The following AHCYL2 variants were observed in gnomAD, a reference collection of about 807,000 sequenced individuals.
The protein encoded by AHCYL2 is adenosylhomocysteinase like 2, also known as S-adenosylhomocysteine hydrolase-like protein 2.
Under a neutral mutation model 81.4 loss-of-function variants are expected in AHCYL2, and 28 were observed. The ratio of observed to expected loss-of-function variants is 0.34; its 90% CI spans 0.25 to 0.47. AHCYL2 has a LOEUF of 0.47. Among genes scored for constraint, AHCYL2 ranks in the 20% least tolerant of loss-of-function variants. The pLI, the probability that AHCYL2 is intolerant of heterozygous loss-of-function variation, is 1.00. For synonymous variants in AHCYL2, 272 were observed against 290.2 expected, an observed-to-expected ratio of 0.94 and a Z score of 0.64; for missense variants, 551 against 785.1, an observed-to-expected ratio of 0.70 and a Z score of 3.56.
chr7:129,393,601 T>C (rs1563230720), intron 4 of AHCYL2, among the ~76,000 whole-genome samples: 1 of 152,218 alleles, frequency 6.6e-6, no homozygotes, highest in African/African-American at 2.4e-5. Context: ...CATGATCATC[T>C]TGTTCCCAGT....
intron 1 of AHCYL2, among the ~76,000 whole-genome samples, chr7:129,341,724 A>G (rs980963891): frequency 6.6e-6 from 1 of 152,142 alleles, no homozygotes; most frequent in Non-Finnish European, 1.5e-5. Context: ...AAAAGTGACT[A>G]TTGTCCCCAA....
intron 1 of AHCYL2, among the ~76,000 whole-genome samples, chr7:129,295,756 A>G (rs1050402218): frequency 6.6e-6 from 1 of 152,250 alleles, no homozygotes; most frequent in Non-Finnish European, 1.5e-5. Context: ...TTCTGAAACT[A>G]CAGGCATCCT....
Position 129,424,912 on chromosome 7 carries a change from A to G in AHCYL2, c.1599A>G (p.Thr533=), listed in dbSNP as rs369323782. The G allele has an allele frequency of 1.9e-6, 3 of 1,613,626 alleles. No individual in the cohort carries two copies. The highest frequency in any genetic ancestry group is 2.5e-6 in the Non-Finnish European group (3 of 1,179,994). ...LLNLSCSTVP[T]FVLSITATTQ... is the part of the protein sequence containing the mutation. Reference sequence around the variant, plus strand: ...ACCTTAGCTGCTCCACAGTGCCTACATTTGTGCTCTCAATCACTGCTACTA... The same window carrying G: ...ACCTTAGCTGCTCCACAGTGCCTACGTTTGTGCTCTCAATCACTGCTACTA... Residue 533 remains threonine (T), a synonymous_variant, in exon 14 of 17, where the codon ACA becomes ACG. Transcript: ENST00000325006.
chr7:129,357,878 G>A (rs899158407), intron 1 of AHCYL2, among the ~76,000 whole-genome samples: 4 of 150,734 alleles, frequency 2.7e-5, no homozygotes, highest in African/African-American at 9.8e-5. Flanking sequence ...AGCTTGCAGT[G>A]AGCTGAGATC....
chr7:129,402,835 G>A lies in AHCYL2; in HGVS notation c.919-544G>A, dbSNP rs986395911. Among the ~76,000 whole-genome samples the A allele has an allele frequency of 3.3e-5, 5 of 152,190 alleles. No homozygotes were observed. The East Asian group carries it at 7.7e-4, about 23-fold the overall frequency. On this transcript the variant is annotated intron_variant, in intron 6 of 16. Transcript: ENST00000325006. ...TGCCTGATATTTTGGGTGGGAGAGT[G>A]CCTATACTTTGGGAGAAGAAAAGGA...
chr7:129,370,081 A>G (rs779060370), intron 1 of AHCYL2, among the ~76,000 whole-genome samples: 84 of 152,204 alleles, frequency 5.5e-4, no homozygotes, highest in Non-Finnish European at 9.8e-4. Flanking sequence ...ATTTCTATAA[A>G]GGAATATTAC....
At chr7:129,265,707 G>A (rs1177194740) in intron 1 of AHCYL2, among the ~76,000 whole-genome samples, 1 of 152,152 alleles carries the variant, frequency 6.6e-6, no homozygotes, top group Non-Finnish European at 1.5e-5. Flanking sequence ...TGCTTTAAAT[G>A]AGATAGAAAA....
intron 1 of AHCYL2, among the ~76,000 whole-genome samples, chr7:129,238,431 T>G (rs954284303): frequency 1.1e-4 from 17 of 152,230 alleles, no homozygotes; most frequent in African/African-American, 3.9e-4. Flanking sequence ...ATTGTGAGCT[T>G]CTTTTTTGCA....
chr7:129,387,030 C>T (rs1470913229), intron 2 of AHCYL2, among the ~76,000 whole-genome samples: 1 of 152,170 alleles, frequency 6.6e-6, no homozygotes, highest in East Asian at 1.9e-4. Context: ...CCAAGCATTG[C>T]AGTAAACACT....
intron 1 of AHCYL2, among the ~76,000 whole-genome samples, chr7:129,257,854 G>T (rs1313338681): frequency 6.6e-6 from 1 of 152,134 alleles, no homozygotes; most frequent in Non-Finnish European, 1.5e-5. Flanking sequence ...GAAAGAAAAG[G>T]AATGAGATAT....
chr7:129,424,769 A>C, intron 13 of AHCYL2, 105 bp from the exon 14 acceptor site: 1 of 1,153,994 alleles, frequency 8.7e-7, no homozygotes, highest in Non-Finnish European at 1.3e-6. Context: ...CAGCAGTGTT[A>C]GTCAGGAAGT....
chr7:129,240,167 A>G (rs998628466), intron 1 of AHCYL2, among the ~76,000 whole-genome samples: 8 of 152,040 alleles, frequency 5.3e-5, no homozygotes, highest in African/African-American at 9.7e-5. Context: ...GTGAGCCGAG[A>G]TCGCGCCATT....
At chr7:129,261,913 G>A (rs913003190) in intron 1 of AHCYL2, among the ~76,000 whole-genome samples, 1 of 152,044 alleles carries the variant, frequency 6.6e-6, no homozygotes, top group African/African-American at 2.4e-5. Flanking sequence ...TCTCTTTTCA[G>A]TATGGAAAGT....
chr7:129,414,145 A>G (rs1441646231), intron 12 of AHCYL2, among the ~76,000 whole-genome samples: 1 of 152,156 alleles, frequency 6.6e-6, no homozygotes, highest in Non-Finnish European at 1.5e-5. Flanking sequence ...GTTGCTTAGG[A>G]TTGACTGTGT....
At chr7:129,290,671 C>A (rs182581275) in intron 1 of AHCYL2, among the ~76,000 whole-genome samples, 1 of 152,138 alleles carries the variant, frequency 6.6e-6, no homozygotes, top group Non-Finnish European at 1.5e-5. Context: ...TGGCTCACGC[C>A]TGTAATCCCA....
intron 1 of AHCYL2, among the ~76,000 whole-genome samples, chr7:129,346,015 A>G (rs1380999058): frequency 6.6e-6 from 1 of 152,182 alleles, no homozygotes; most frequent in Non-Finnish European, 1.5e-5. Context: ...GTAGAGATTT[A>G]GCAGTTATCA....
At chr7:129,253,108 T>C (rs1276305400) in intron 1 of AHCYL2, among the ~76,000 whole-genome samples, 1 of 151,270 alleles carries the variant, frequency 6.6e-6, no homozygotes, top group African/African-American at 2.4e-5. Context: ...CTGGGGAGGC[T>C]GAGGCAGAGA....
intron 1 of AHCYL2, among the ~76,000 whole-genome samples, chr7:129,300,541 G>A (rs529442806): frequency 4.6e-5 from 7 of 152,152 alleles, no homozygotes; most frequent in African/African-American, 7.2e-5. Context: ...AAATCTATTC[G>A]TCTGTTGATG....
rs1797485765 is a variant in AHCYL2, at chr7:129,429,263, G to A, written c.*2218G>A. The A allele has an allele frequency of 6.6e-6, 1 of 152,182 alleles. No homozygotes were observed. Among genetic ancestry groups the A allele is most frequent in the African/African-American group, 2.4e-5 (1 of 41,438 alleles). 9.4% of individuals were successfully genotyped at this position (152,182 alleles called of 1,614,324 possible). ...CAGATGACCTCTCTGTAGGGACACT[G>A]TGTTATCAACCATTAAGAAGAAAGA... On this transcript the variant is annotated 3_prime_UTR_variant, in exon 17 of 17. Transcript: ENST00000325006.
Sources: allele counts gnomAD v4.1 joint callset (sites outside exome capture counted in the v4.1 genomes callset), GRCh38; gene constraint gnomAD v4.1.1; transcripts MANE v1.5; gene names NCBI Gene and HGNC (gene_info 2026-07-23, HGNC 2026-07-21).